Variants in ADAMTSL1 observed in about 807,000 individuals in gnomAD.
ADAMTSL1 encodes ADAMTS like 1.
In ADAMTSL1, 126 loss-of-function variants were observed where a neutral mutation model predicts 201.8. The observed-to-expected ratio is 0.62, with a 90% CI of 0.54 to 0.72. The LOEUF (loss-of-function observed/expected upper bound fraction) is 0.72. ADAMTSL1 is among the 30% of genes least tolerant of loss of function. The probability of loss-of-function intolerance (pLI) is 0.00; values close to 1 mark genes in which losing one functional copy is unlikely to be tolerated. For synonymous variants in ADAMTSL1, 1,121 were observed against 903.4 expected (o/e 1.24, Z -4.32); for missense variants, 2,679 against 2,277.8 (o/e 1.18, Z -3.59).
chr9:18,016,228 G>C (rs1473167801), intron 1 of ADAMTSL1, among the ~76,000 whole-genome samples: 1 of 151,968 alleles, frequency 6.6e-6, no homozygotes, highest in Non-Finnish European at 1.5e-5. Context: ...TTGAATTTAG[G>C]ACTCAAGTAT....
rs1440483712 is a variant in ADAMTSL1 at position 18,310,399 on chromosome 9, A to AAAAAAAAAAC, written c.207+146418_207+146419insAAAAAAAAAC. On this transcript the variant is annotated intron_variant, in intron 2 of 29. Coordinates refer to the ADAMTSL1 transcript ENST00000680146. ...AAAAAAAAAAAAAAAAAAAAAAAAA[A>AAAAAAAAAAC]CTATCTTCAGAGTGAACAGGCAACC... Among the ~76,000 whole-genome samples, 211 of 127,384 alleles carry AAAAAAAAAAC rather than the reference A, an allele frequency of 1.7e-3. 10 individuals are homozygous for AAAAAAAAAAC. Among genetic ancestry groups the AAAAAAAAAAC allele is most frequent in the Non-Finnish European group, 2.7e-3 (158 of 58,262 alleles). 83.6% of individuals were successfully genotyped at this position (127,384 alleles called of 152,430 possible).
chr9:18,411,464 G>A (rs939905252), intron 2 of ADAMTSL1, among the ~76,000 whole-genome samples: 1 of 152,156 alleles, frequency 6.6e-6, no homozygotes, highest in African/African-American at 2.4e-5. Context: ...TTCCCAAAGT[G>A]CTAGGATTAT....
intron 26 of ADAMTSL1, among the ~76,000 whole-genome samples, chr9:18,894,164 A>G (rs147826636): frequency 3.5e-4 from 53 of 152,342 alleles, no homozygotes; most frequent in Middle Eastern, 3.4e-3. Flanking sequence ...AAGATTTTTA[A>G]GAAGGAATGG....
intron 17 of ADAMTSL1, 55 bp from the exon 18 acceptor site, chr9:18,775,688 A>G: frequency 9.5e-6 from 15 of 1,581,520 alleles, no homozygotes; most frequent in Non-Finnish European, 1.2e-5. Context: ...TCTATTAAAA[A>G]ATTAGCTTCT....
intron 7 of ADAMTSL1, among the ~76,000 whole-genome samples, chr9:18,645,513 T>C (rs933702834): frequency 1.3e-5 from 2 of 150,930 alleles, no homozygotes; most frequent in Admixed American, 6.6e-5. Context: ...AGGGTTTTTA[T>C]GGTTTTAGGT....
chr9:18,376,685 A>G (rs2133158070), intron 2 of ADAMTSL1, among the ~76,000 whole-genome samples: 1 of 152,282 alleles, frequency 6.6e-6, no homozygotes, highest in South Asian at 2.1e-4. Flanking sequence ...ACCCACCTGT[A>G]ATCCCAACTA....
intron 4 of ADAMTSL1, among the ~76,000 whole-genome samples, chr9:18,605,401 T>A (rs1313989491): frequency 6.6e-6 from 1 of 152,216 alleles, no homozygotes; most frequent in East Asian, 1.9e-4. Flanking sequence ...GCGGTTATGT[T>A]GAAAACAGTT....
intron 2 of ADAMTSL1, among the ~76,000 whole-genome samples, chr9:18,399,550 C>T (rs1304321384): frequency 1.3e-5 from 2 of 151,018 alleles, no homozygotes; most frequent in African/African-American, 4.9e-5. Flanking sequence ...ACCCTGTTGG[C>T]TGGTGAACCA....
chr9:18,404,026 G>C (rs1213605805), intron 2 of ADAMTSL1, among the ~76,000 whole-genome samples: 1 of 151,982 alleles, frequency 6.6e-6, no homozygotes, highest in Non-Finnish European at 1.5e-5. Flanking sequence ...TGAGGTTATA[G>C]CCTTCTGTTC....
chr9:18,417,995 T>C (rs1267230052), intron 2 of ADAMTSL1, among the ~76,000 whole-genome samples: 2 of 152,102 alleles, frequency 1.3e-5, no homozygotes, highest in East Asian at 1.9e-4. Context: ...GAAGAAATAA[T>C]ACAATATGAC....
intron 23 of ADAMTSL1, among the ~76,000 whole-genome samples, chr9:18,832,792 G>T (rs1825070114): frequency 6.6e-6 from 1 of 152,214 alleles, no homozygotes; most frequent in Non-Finnish European, 1.5e-5. Flanking sequence ...TGAGTGGTGA[G>T]ATGCCAGCCA....
intron 24 of ADAMTSL1, 27 bp downstream of exon 24, chr9:18,888,070 C>T (rs539864971): frequency 6.3e-7 from 1 of 1,599,870 alleles, no homozygotes; most frequent in East Asian, 2.2e-5. Flanking sequence ...ACTTTGCATA[C>T]TGGACTTGAA....
rs190920032 is a variant in ADAMTSL1, at chr9:18,459,614, C to A, written c.208-45215C>A. On this transcript the variant is annotated intron_variant, in intron 2 of 29. Coordinates refer to the ADAMTSL1 transcript ENST00000680146. ...TTCGTTAATCCAGTCAGTTTACTAA[C>A]CCCATCTGGCTTAGTTAATCAGACC... Among the ~76,000 whole-genome samples the A allele has an allele frequency of 3.8e-3, 579 of 152,252 alleles. 1 individual carries two copies. The highest frequency in any genetic ancestry group is 5.0e-3 in the Non-Finnish European group (342 of 68,028).
In ADAMTSL1 at chr9:18,661,974, G is replaced by A. The variant is rs370253600; in HGVS notation, c.986G>A (p.Ser329Asn). 1.0e-4 allele frequency: 169 copies of A among 1,613,884 alleles called. No homozygotes were observed. The highest frequency in any genetic ancestry group is 1.3e-4 in the Non-Finnish European group (157 of 1,179,948). The stretch of plus-strand genomic sequence containing the variant: ...TCGGCTGAGTGCTACGATCTGAGGA[G>A]CAACCGTGTGGTTGCTGACCAATAC... ...LTSAECYDLR[S>N]NRVVADQYCH... The change falls in exon 9 of 29, where the codon AGC (serine) becomes AAC (asparagine). Residue 329 changes from serine (S) to asparagine (N), a missense_variant. By Grantham distance (46) the Ser-to-Asn change is conservative. Transcript: ENST00000380548.
rs146902376 is a variant in ADAMTSL1 at position 18,359,109 on chromosome 9, T to C, written c.208-145720T>C. On this transcript the variant is annotated intron_variant, in intron 2 of 29. Transcript: ENST00000680146. ...GGTAAAGTTAACTCAATAATAATTA[T>C]ATGCAATTATATAACATACAGGCAA... Among the ~76,000 whole-genome samples, 76 of 152,340 alleles carry C rather than the reference T, an allele frequency of 5.0e-4. 1 individual carries two copies. The highest frequency in any genetic ancestry group is 1.6e-3 in the African/African-American group (66 of 41,586).
chr9:18,461,870 G>A (rs112458486), intron 2 of ADAMTSL1, among the ~76,000 whole-genome samples: 13 of 151,952 alleles, frequency 8.6e-5, no homozygotes, highest in African/African-American at 2.4e-4. Flanking sequence ...TCCAGGACAC[G>A]CCCCCTCCAC....
chr9:17,990,599 A>T (rs1372662826), intron 1 of ADAMTSL1, among the ~76,000 whole-genome samples: 1 of 152,048 alleles, frequency 6.6e-6, no homozygotes, highest in Non-Finnish European at 1.5e-5. Flanking sequence ...AGTTGAGCTC[A>T]TTATACTTAA....
At chr9:18,823,175 A>C (rs1292685021) in intron 21 of ADAMTSL1, among the ~76,000 whole-genome samples, 1 of 152,170 alleles carries the variant, frequency 6.6e-6, no homozygotes, top group Non-Finnish European at 1.5e-5. Flanking sequence ...CATAATGCAG[A>C]TCTGTGCTTG....
chr9:18,884,497 T>A (rs537932313), intron 23 of ADAMTSL1, among the ~76,000 whole-genome samples: 1 of 152,180 alleles, frequency 6.6e-6, no homozygotes, highest in East Asian at 1.9e-4. Flanking sequence ...AAACCCAATG[T>A]CATTAAAGTT....
Sources: gnomAD v4.1 joint callset for allele counts (sites outside exome capture counted in the v4.1 genomes callset) on GRCh38, gnomAD v4.1.1 for gene constraint, MANE v1.5 for transcripts, NCBI Gene and HGNC (gene_info 2026-07-23, HGNC 2026-07-21) for gene names.